The following MLLT10 variants were observed in gnomAD, a reference collection of about 807,000 sequenced individuals.
MLLT10 encodes the protein protein AF-10.
In MLLT10, 30 loss-of-function variants were observed where a neutral mutation model predicts 129.1. The ratio of observed to expected loss-of-function variants is 0.23; its 90% CI spans 0.17 to 0.32. The LOEUF (loss-of-function observed/expected upper bound fraction) is 0.32, where lower values mean the gene tolerates loss of function less well. Ranked by LOEUF, MLLT10 falls within the 10% of genes least tolerant of loss-of-function variation. The pLI is 1.00. For synonymous variants in MLLT10, 490 were observed against 446.4 expected (o/e 1.10, Z -1.23); for missense variants, 1,119 against 1,268.3 (o/e 0.88, Z 1.79).
At chr10:21,646,511 T>G (rs1482236430) in intron 8 of MLLT10, among the ~76,000 whole-genome samples, 19 of 152,014 alleles carry the variant, frequency 1.2e-4, no homozygotes, top group Admixed American at 1.0e-3. Context: ...TATGTTTTTT[T>G]GGGGGGGTAG....
chr10:21,717,861 C>T (rs1589803079), intron 14 of MLLT10, among the ~76,000 whole-genome samples: 2 of 144,536 alleles, frequency 1.4e-5, no homozygotes, highest in Non-Finnish European at 3.1e-5. Flanking sequence ...TTCTCCTCCT[C>T]CTTCTCCTCC....
At chr10:21,732,471 T>C (rs1400335468) in intron 17 of MLLT10, among the ~76,000 whole-genome samples, 1 of 152,240 alleles carries the variant, frequency 6.6e-6, no homozygotes, top group Non-Finnish European at 1.5e-5. Context: ...AACAAAAACA[T>C]GTGCTCATTA....
chr10:21,608,440 G>A (rs1007859052), intron 5 of MLLT10, among the ~76,000 whole-genome samples: 2 of 152,000 alleles, frequency 1.3e-5, no homozygotes, highest in African/African-American at 4.8e-5. Context: ...GCCTCTCAAA[G>A]TGTTGGGATT....
rs370249441 is a variant in MLLT10, at chr10:21,569,720, C to A, written c.241-16574C>A. 2.7e-4 allele frequency among the ~76,000 whole-genome samples: 41 copies of A among 151,466 alleles called. 2 individuals carry two copies. Among genetic ancestry groups the A allele is most frequent in the African/African-American group, 9.2e-4 (38 of 41,282 alleles). On this transcript the variant is annotated intron_variant, in intron 3 of 22. Transcript: ENST00000307729. ...ACAGGTGTGAGCCACCATGCCCGGC[C>A]CACCCAGTTAATTTTTAAAAAATCT... is the stretch of plus-strand genomic sequence containing the variant.
At chr10:21,634,762 A>C (rs183602696) in intron 8 of MLLT10, among the ~76,000 whole-genome samples, 9 of 152,242 alleles carry the variant, frequency 5.9e-5, no homozygotes, top group Admixed American at 1.3e-4. Flanking sequence ...TATCGAGTAG[A>C]CTCAAGTTTA....
At chr10:21,572,330 AC>A (rs1222883838) in intron 3 of MLLT10, among the ~76,000 whole-genome samples, 1 of 152,090 alleles carries the variant, frequency 6.6e-6, no homozygotes, top group African/African-American at 2.4e-5. Flanking sequence ...AAGTCCTAAA[AC>A]CTTTTTCTTC....
intron 6 of MLLT10, among the ~76,000 whole-genome samples, chr10:21,613,969 C>T (rs552294419): frequency 6.6e-6 from 1 of 151,674 alleles, no homozygotes; most frequent in East Asian, 1.9e-4. Flanking sequence ...GCCTGTAATC[C>T]CAGCACTTTA....
intron 4 of MLLT10, among the ~76,000 whole-genome samples, chr10:21,594,317 A>G (rs1418895459): frequency 6.6e-6 from 1 of 151,920 alleles, no homozygotes; most frequent in Non-Finnish European, 1.5e-5. Flanking sequence ...GGGGAGGCTG[A>G]GGTGGGCGGA....
At chr10:21,601,299 C>G (rs2043509445) in intron 5 of MLLT10, among the ~76,000 whole-genome samples, 1 of 152,072 alleles carries the variant, frequency 6.6e-6, no homozygotes, top group African/African-American at 2.4e-5. Flanking sequence ...TTCTTACTCT[C>G]AACAGTTCCA....
intron 8 of MLLT10, among the ~76,000 whole-genome samples, chr10:21,623,306 G>A (rs117671687): frequency 4.1e-3 from 625 of 152,268 alleles, no homozygotes; most frequent in Non-Finnish European, 6.6e-3. Flanking sequence ...TGGTTCCTCT[G>A]GTGATCAGCG....
intron 8 of MLLT10, among the ~76,000 whole-genome samples, chr10:21,618,710 C>T (rs1324147303): frequency 6.0e-5 from 9 of 150,774 alleles, no homozygotes; most frequent in East Asian, 5.9e-4. Flanking sequence ...CTCAGTCTAC[C>T]GCAACCTCTG....
intron 9 of MLLT10, among the ~76,000 whole-genome samples, chr10:21,663,775 C>T (rs1238050673): frequency 1.3e-5 from 2 of 152,204 alleles, no homozygotes; most frequent in East Asian, 3.9e-4. Flanking sequence ...ACCTTGTTAG[C>T]CAGGATGGTC....
At chr10:21,621,459 A>G (rs910308216) in intron 8 of MLLT10, among the ~76,000 whole-genome samples, 1 of 152,000 alleles carries the variant, frequency 6.6e-6, no homozygotes, top group Non-Finnish European at 1.5e-5. Flanking sequence ...GTTAGCCAGG[A>G]TGGTCTGGAT....
chr10:21,540,181 A>G (rs1381192179), intron 3 of MLLT10, among the ~76,000 whole-genome samples: 5 of 152,144 alleles, frequency 3.3e-5, no homozygotes, highest in Admixed American at 6.5e-5. Flanking sequence ...ACTTGGGGTC[A>G]GGAGTTTGAG....
chr10:21,731,153 G>A (rs1638698155), intron 17 of MLLT10, 99 bp downstream of exon 17: 2 of 1,090,502 alleles, frequency 1.8e-6, no homozygotes, highest in East Asian at 4.8e-5. Flanking sequence ...AGTAGTAATG[G>A]GATTATGATA....
intron 14 of MLLT10, among the ~76,000 whole-genome samples, chr10:21,725,320 G>T (rs534672418): frequency 1.4e-3 from 219 of 152,316 alleles, no homozygotes; most frequent in Non-Finnish European, 1.9e-3. Context: ...TTAGTCTCAT[G>T]TCCACATGGT....
chr10:21,540,510 T>G (rs745736537), intron 3 of MLLT10, among the ~76,000 whole-genome samples: 1 of 152,008 alleles, frequency 6.6e-6, no homozygotes, highest in African/African-American at 2.4e-5. Context: ...GAACCATGAC[T>G]CCAGCCTGGG....
chr10:21,628,261 G>A (rs1350953656), intron 8 of MLLT10, among the ~76,000 whole-genome samples: 5 of 152,062 alleles, frequency 3.3e-5, no homozygotes, highest in African/African-American at 1.2e-4. Context: ...AACTATTGTA[G>A]TATAGCAATT....
chr10:21,701,869 G>A (rs750764631), intron 13 of MLLT10, among the ~76,000 whole-genome samples: 2 of 152,010 alleles, frequency 1.3e-5, no homozygotes, highest in Admixed American at 6.6e-5. Flanking sequence ...GGTTACAGGC[G>A]TGAGCCACCG....
Sources: gnomAD v4.1 joint callset for allele counts (sites outside exome capture counted in the v4.1 genomes callset) on GRCh38, gnomAD v4.1.1 for gene constraint, MANE v1.5 for transcripts, NCBI Gene and HGNC (gene_info 2026-07-23, HGNC 2026-07-21) for gene names.